BCAS3: variants seen among roughly 807,000 people sequenced by gnomAD.
BCAS3 encodes BCAS4/BCAS3 fusion.
BCAS3 carries 53 observed loss-of-function variants against 116.1 expected under a neutral mutation model. That is an observed-to-expected ratio of 0.46 (90% CI 0.37 to 0.57). The LOEUF (loss-of-function observed/expected upper bound fraction) is 0.57, where lower values mean the gene tolerates loss of function less well. Among genes scored for constraint, BCAS3 ranks in the 20% least tolerant of loss-of-function variants. BCAS3 has a pLI of 0.00. For synonymous variants in BCAS3, 391 were observed against 408.2 expected (o/e 0.96, Z 0.51); for missense variants, 917 against 1,165.4 (o/e 0.79, Z 3.10).
rs2058591840 is a variant in BCAS3, at chr17:61,363,914, G to A, written c.2426-4413G>A. Among the ~76,000 whole-genome samples, 1 of 152,192 alleles carries A rather than the reference G, an allele frequency of 6.6e-6. No homozygotes were observed. Among genetic ancestry groups the A allele is most frequent in the African/African-American group, 2.4e-5 (1 of 41,446 alleles). ...TGCAGTTTTCCAAGAGCCCAGAGATGACCTCACCCTCCAAGGGCTTGGCCT... is the reference window on the plus strand; with the variant it reads ...TGCAGTTTTCCAAGAGCCCAGAGATAACCTCACCCTCCAAGGGCTTGGCCT... On this transcript the variant is annotated intron_variant, in intron 22 of 23. Transcript: ENST00000407086. This position sits in a 1 kb window ranked among gnomAD's most constrained non-coding sequence, Gnocchi z 4.9.
At chr17:60,976,116 C>T (rs1350108761) in intron 14 of BCAS3, among the ~76,000 whole-genome samples, 2 of 138,476 alleles carry the variant, frequency 1.4e-5, no homozygotes, top group Admixed American at 8.0e-5. Flanking sequence ...CTCTGCCTCC[C>T]GGGTTCACAC....
chr17:61,185,402 T>C (rs2079708119), intron 22 of BCAS3, among the ~76,000 whole-genome samples: 1 of 152,178 alleles, frequency 6.6e-6, no homozygotes, highest in Non-Finnish European at 1.5e-5. Context: ...TTAAAATTTT[T>C]CTTTCTTCAA....
At chr17:61,164,060 A>T in intron 22 of BCAS3, among the ~76,000 whole-genome samples, 1 of 146,266 alleles carries the variant, frequency 6.8e-6, no homozygotes, top group African/African-American at 2.5e-5. Context: ...AAATGACCAG[A>T]TTTTTGGGCA....
intron 5 of BCAS3, among the ~76,000 whole-genome samples, chr17:60,713,898 A>G (rs2144039670): frequency 6.6e-6 from 1 of 152,190 alleles, no homozygotes; most frequent in East Asian, 1.9e-4. Context: ...CAGAGGGGTG[A>G]TCTCGGCTCA....
At chr17:60,921,369 G>T (rs7225051) in intron 12 of BCAS3, among the ~76,000 whole-genome samples, 42,990 of 151,924 alleles carry the variant, frequency 0.28, 11,637 homozygotes, top group African/African-American at 0.72. Context: ...ACCACACCAC[G>T]TTGGGAGGCC....
Position 61,251,006 on chromosome 17 carries a change from T to G in BCAS3, c.2426-117321T>G, listed in dbSNP as rs1302135283. Among the ~76,000 whole-genome samples, 3 of 152,170 alleles carry G rather than the reference T, an allele frequency of 2.0e-5. No individual in the cohort carries two copies. The highest frequency in any genetic ancestry group is 2.9e-5 in the Non-Finnish European group (2 of 68,024). On this transcript the variant is annotated intron_variant, in intron 22 of 23. Transcript: ENST00000407086. This position sits in a 1 kb window ranked among gnomAD's most constrained non-coding sequence, Gnocchi z 4.7. ...GGAGACCAGTGTCTAATTCTACTAC[T>G]TCCTCCTCCCCAAGAATTCAGATGG...
intron 22 of BCAS3, among the ~76,000 whole-genome samples, chr17:61,142,834 A>G (rs1054916375): frequency 6.6e-6 from 1 of 152,130 alleles, no homozygotes; most frequent in African/African-American, 2.4e-5. Context: ...ATGTTTTTCT[A>G]TTTTGATGTA....
At chr17:61,308,425 G>C (rs1433209877) in intron 22 of BCAS3, among the ~76,000 whole-genome samples, 1 of 125,456 alleles carries the variant, frequency 8.0e-6, no homozygotes, top group Non-Finnish European at 1.6e-5. Context: ...TGCAGCTAAA[G>C]TGGTTACCAT....
chr17:61,368,174 C>T lies in BCAS3; in HGVS notation c.2426-153C>T, dbSNP rs1405488975. 16 of 708,798 alleles carry T rather than the reference C, an allele frequency of 2.3e-5. No individual in the cohort carries two copies. Among genetic ancestry groups the T allele is most frequent in the Middle Eastern group, 4.2e-4 (1 of 2,392 alleles). The allele number at this position is 708,798 out of a possible 1,614,324, so 43.9% of individuals were successfully genotyped here. On this transcript the variant is annotated intron_variant, in intron 22 of 23. Coordinates refer to ENST00000407086, the MANE Select transcript of BCAS3 (RefSeq NM_017679.5). The surrounding 1 kb of genome is among the most constrained non-coding windows in gnomAD (Gnocchi z 6.0). The stretch of plus-strand genomic sequence containing the variant: ...TCTCTCAGCGGCATGAGCTATTTCT[C>T]CTGCGCTACCCAGTCTGTTGGCGGC...
intron 10 of BCAS3, among the ~76,000 whole-genome samples, chr17:60,901,212 TA>T (rs879817022): frequency 4.5e-3 from 637 of 142,020 alleles, no homozygotes; most frequent in Non-Finnish European, 4.4e-3. Context: ...CTCTGTCTCT[TA>T]AAAAAAAAAA....
At chr17:60,761,705 C>A (rs1300103525) in intron 6 of BCAS3, among the ~76,000 whole-genome samples, 2 of 151,758 alleles carry the variant, frequency 1.3e-5, no homozygotes, top group Non-Finnish European at 1.5e-5. Flanking sequence ...ATTTATAATC[C>A]TTTGGGTATA....
In BCAS3 at chr17:60,989,982, C is replaced by T. The variant is rs376485218; in HGVS notation, c.1233C>T (p.Ile411=). 3.1e-6 allele frequency: 5 copies of T among 1,614,070 alleles called. No individual in the cohort carries two copies. Among genetic ancestry groups the T allele is most frequent in the Non-Finnish European group, 4.2e-6 (5 of 1,179,948 alleles). ...RGETEAKVQD[I]CFSHDCRWVV... ...TATCTCATTTCTAGGTACAGGACAT[C>T]TGCTTCAGCCATGACTGTCGCTGGG... is the stretch of plus-strand genomic sequence containing the variant. Residue 411 remains isoleucine, a synonymous_variant, in exon 15 of 24, where the codon ATC becomes ATT. Coordinates refer to ENST00000407086, the MANE Select transcript of BCAS3 (RefSeq NM_017679.5).
chr17:61,170,396 C>T (rs563397451), intron 22 of BCAS3, among the ~76,000 whole-genome samples: 5 of 151,764 alleles, frequency 3.3e-5, no homozygotes, highest in Non-Finnish European at 7.4e-5. Context: ...GGGTTCACAC[C>T]ATTCTCCTGC....
chr17:60,724,420 C>CA (rs748461644), intron 5 of BCAS3, among the ~76,000 whole-genome samples: 872 of 38,672 alleles, frequency 0.023, 12 homozygotes, highest in African/African-American at 0.029. Flanking sequence ...GAGACTGTCT[C>CA]AAAAAAAAAA....
In BCAS3 at chr17:61,097,798, G is replaced by A. The variant is rs1192431636; in HGVS notation, c.2425+13234G>A. Among the ~76,000 whole-genome samples, 1 of 152,176 alleles carries A rather than the reference G, an allele frequency of 6.6e-6. No individual in the cohort carries two copies. Among genetic ancestry groups the A allele is most frequent in the Non-Finnish European group, 1.5e-5 (1 of 68,034 alleles). Reference sequence around the variant, plus strand: ...ACAGGACTTAGGACACCTAGCTCCTGATACTTAAAATTACTTAAAGTGCAT... The same window carrying A: ...ACAGGACTTAGGACACCTAGCTCCTAATACTTAAAATTACTTAAAGTGCAT... On this transcript the variant is annotated intron_variant, in intron 22 of 23. Coordinates refer to ENST00000407086, the MANE Select transcript of BCAS3 (RefSeq NM_017679.5). The surrounding 1 kb of genome is among the most constrained non-coding windows in gnomAD (Gnocchi z 4.0).
At chr17:61,342,974 A>G (rs1426850171) in intron 22 of BCAS3, among the ~76,000 whole-genome samples, 1 of 150,998 alleles carries the variant, frequency 6.6e-6, no homozygotes, top group Non-Finnish European at 1.5e-5. Flanking sequence ...CTGGTCTTGA[A>G]CTCCTAATCT....
chr17:60,754,060 GTCTC>G lies in BCAS3; in HGVS notation c.403+6791_403+6794del, dbSNP rs72162091. On this transcript the variant is annotated intron_variant, in intron 6 of 23. Coordinates refer to ENST00000407086, the MANE Select transcript of BCAS3 (RefSeq NM_017679.5). Reference sequence around the variant, plus strand: ...TTTATTTATTTTATTTTGAGACAGGGTCTCTCTCTCTCTTGCCCATGCTGGAGTG... The same window carrying G: ...TTTATTTATTTTATTTTGAGACAGGGTCTCTCTCTTGCCCATGCTGGAGTG... Among the ~76,000 whole-genome samples the G allele has an allele frequency of 2.0e-5, 3 of 151,502 alleles. 1 individual carries two copies. In the South Asian group the frequency reaches 6.3e-4, roughly 32 times the overall value.
At chr17:61,305,779 CCA>C (rs1345216675) in intron 22 of BCAS3, among the ~76,000 whole-genome samples, 1 of 152,132 alleles carries the variant, frequency 6.6e-6, no homozygotes, top group African/African-American at 2.4e-5. Context: ...GGCTGTAATC[CCA>C]GCTACTCAGG....
chr17:60,843,660 A>C (rs961480683), intron 7 of BCAS3, among the ~76,000 whole-genome samples: 5 of 152,166 alleles, frequency 3.3e-5, no homozygotes, highest in African/African-American at 1.2e-4. Context: ...CTTTTTACAT[A>C]CAGGCTTATA....
Sources: gnomAD v4.1 joint callset for allele counts (sites outside exome capture counted in the v4.1 genomes callset) on GRCh38, gnomAD v4.1.1 for gene constraint, Gnocchi (gnomAD v3.1) non-coding constraint, MANE v1.5 for transcripts, NCBI Gene and HGNC (gene_info 2026-07-23, HGNC 2026-07-21) for gene names.